CMTM7: variants seen among roughly 807,000 people sequenced by gnomAD.
CMTM7 encodes the protein CKLF-like MARVEL transmembrane domain-containing protein 7.
A neutral mutation model predicts 19.3 loss-of-function variants in CMTM7; 7 were observed. The observed-to-expected ratio is 0.36, with a 90% CI of 0.21 to 0.68. CMTM7 has a LOEUF of 0.68. Among genes scored for constraint, CMTM7 ranks in the 30% least tolerant of loss-of-function variants. The pLI, the probability that CMTM7 is intolerant of heterozygous loss-of-function variation, is 0.60. For missense variants in CMTM7, 193 were observed against 232.6 expected, an observed-to-expected ratio of 0.83 and a Z score of 1.11; for synonymous variants, 87 against 99.3, an observed-to-expected ratio of 0.88 and a Z score of 0.74.
chr3:32,438,157 T>C (rs1042999984), intron 1 of CMTM7, among the ~76,000 whole-genome samples: 2 of 152,158 alleles, frequency 1.3e-5, no homozygotes, highest in South Asian at 2.1e-4. Context: ...GTGCATTTGC[T>C]TTTCTAACTG....
chr3:32,403,976 A>G (rs1473339889), intron 1 of CMTM7, among the ~76,000 whole-genome samples: 2 of 152,062 alleles, frequency 1.3e-5, no homozygotes, highest in African/African-American at 4.8e-5. Context: ...ACCATATTTT[A>G]GGAAGCATTT....
At chr3:32,442,584 GT>G (rs1696696802) in intron 2 of CMTM7, among the ~76,000 whole-genome samples, 1 of 151,462 alleles carries the variant, frequency 6.6e-6, no homozygotes, top group Admixed American at 6.6e-5. Context: ...GAGAATGGCT[GT>G]GTGTGTATGA....
chr3:32,442,930 A>G (rs910455385), intron 2 of CMTM7, among the ~76,000 whole-genome samples: 7 of 151,786 alleles, frequency 4.6e-5, no homozygotes, highest in African/African-American at 1.7e-4. Flanking sequence ...CCTCCCTACC[A>G]CTCATCCCTC....
chr3:32,439,546 T>C (rs1696645925), intron 1 of CMTM7, among the ~76,000 whole-genome samples: 2 of 152,216 alleles, frequency 1.3e-5, no homozygotes, highest in African/African-American at 4.8e-5. Flanking sequence ...CTCAACCTCC[T>C]AGGCTCAATT....
rs1311959773 is a variant in CMTM7, at chr3:32,431,123, C to G, written c.160-10717C>G. On this transcript the variant is annotated intron_variant, in intron 1 of 4. Coordinates refer to ENST00000334983, the MANE Select transcript of CMTM7 (RefSeq NM_138410.4). ...ACAACTTCCTGGGCAGTGATAAGGG[C>G]TTTGAAGCAGAATGATTGAATTGAG... Among the ~76,000 whole-genome samples the G allele has an allele frequency of 3.3e-5, 5 of 152,120 alleles. No homozygotes were observed. In the South Asian group the frequency reaches 8.3e-4, roughly 25 times the overall value.
chr3:32,452,383 C>T lies in CMTM7; in HGVS notation c.433-9C>T, dbSNP rs759970674. ...CCTGTGAACTTCCTCTCCCCTCTCT[C>T]CACTGCAGATCTTTGGTTTCATGGC... On this transcript the variant is annotated splice_polypyrimidine_tract_variant and intron_variant, in intron 3 of 4. Coordinates refer to ENST00000334983, the MANE Select transcript of CMTM7 (RefSeq NM_138410.4). The T allele has an allele frequency of 1.9e-6, 3 of 1,614,180 alleles. No individual in the cohort carries two copies. Among genetic ancestry groups the T allele is most frequent in the Non-Finnish European group, 2.5e-6 (3 of 1,180,016 alleles).
chr3:32,417,745 G>C lies in CMTM7; in HGVS notation c.160-24095G>C, dbSNP rs184331130. Among the ~76,000 whole-genome samples, 406 of 152,158 alleles carry C rather than the reference G, an allele frequency of 2.7e-3. 2 individuals are homozygous for C. The highest frequency in any genetic ancestry group is 4.3e-3 in the Non-Finnish European group (289 of 67,986). ...CATTTGATATTATCAGTATTTTCTA[G>C]TTTGGGTTTTGCTTAATTTTAGCTA... On this transcript the variant is annotated intron_variant, in intron 1 of 4. Transcript: ENST00000334983.
chr3:32,406,527 A>C (rs1696093980), intron 1 of CMTM7, among the ~76,000 whole-genome samples: 1 of 152,196 alleles, frequency 6.6e-6, no homozygotes, highest in African/African-American at 2.4e-5. Flanking sequence ...GTGTTGGGAC[A>C]GTGTTCAGAG....
At chr3:32,444,407 A>C (rs1012125147) in intron 2 of CMTM7, among the ~76,000 whole-genome samples, 5 of 152,240 alleles carry the variant, frequency 3.3e-5, no homozygotes, top group African/African-American at 1.2e-4. Flanking sequence ...ATTCTATTCC[A>C]TTGATCTATG....
At chr3:32,440,070 TACACAC>T (rs10526471) in intron 1 of CMTM7, among the ~76,000 whole-genome samples, 12,437 of 150,090 alleles carry the variant, frequency 0.083, 565 homozygotes, top group African/African-American at 0.12. Flanking sequence ...ACCACACGCA[TACACAC>T]ACACACACAC....
Position 32,442,021 on chromosome 3 carries a change from A to G in CMTM7, c.333+8A>G. On this transcript the variant is annotated splice_region_variant and intron_variant, in intron 2 of 4. Coordinates refer to ENST00000334983, the MANE Select transcript of CMTM7 (RefSeq NM_138410.4). ...ATCAGCTGGCCCCTGTCGGTAAGAG[A>G]GTGGTCTGGCCCTGTCCTCCGCATG... is the stretch of plus-strand genomic sequence containing the variant. 1 of 1,613,768 alleles carries G rather than the reference A, an allele frequency of 6.2e-7. No individual in the cohort carries two copies. Among genetic ancestry groups the G allele is most frequent in the Non-Finnish European group, 8.5e-7 (1 of 1,179,782 alleles).
At chr3:32,439,195 C>T (rs1696641806) in intron 1 of CMTM7, among the ~76,000 whole-genome samples, 1 of 152,188 alleles carries the variant, frequency 6.6e-6, no homozygotes, top group Non-Finnish European at 1.5e-5. Context: ...AAAATGAAAA[C>T]ACTTGCGTTG....
intron 3 of CMTM7, chr3:32,452,052 C>G: frequency 7.5e-7 from 1 of 1,340,880 alleles, no homozygotes; most frequent in Non-Finnish European, 9.8e-7. Flanking sequence ...TCCTTTTCTT[C>G]TCTTTTGGTC....
chr3:32,392,119 A>G, intron 1 of CMTM7, 54 bp downstream of exon 1: 1 of 1,207,186 alleles, frequency 8.3e-7, no homozygotes. Context: ...CCGGGAAAGC[A>G]GGGGTCCGGG....
intron 1 of CMTM7, among the ~76,000 whole-genome samples, chr3:32,408,218 C>T (rs1460764366): frequency 6.6e-6 from 1 of 152,196 alleles, no homozygotes; most frequent in Admixed American, 6.5e-5. Flanking sequence ...GACTTCTGGC[C>T]TTGAGAACTG....
At chr3:32,436,675 C>T (rs17804397) in intron 1 of CMTM7, among the ~76,000 whole-genome samples, 9,657 of 152,136 alleles carry the variant, frequency 0.063, 410 homozygotes, top group Non-Finnish European at 0.096. Context: ...GGTTGGGTGA[C>T]CTACCAGCAT....
intron 2 of CMTM7, among the ~76,000 whole-genome samples, chr3:32,442,236 C>T (rs531648625): frequency 7.9e-5 from 12 of 152,028 alleles, no homozygotes; most frequent in Non-Finnish European, 1.5e-4. Flanking sequence ...GCTGGCCGGG[C>T]GCGGTGGCTC....
intron 1 of CMTM7, among the ~76,000 whole-genome samples, chr3:32,419,138 T>C (rs936360656): frequency 4.6e-5 from 7 of 152,268 alleles, no homozygotes; most frequent in Non-Finnish European, 1.0e-4. Flanking sequence ...CCCTTTTTGC[T>C]GCTATTGTAA....
intron 2 of CMTM7, among the ~76,000 whole-genome samples, chr3:32,444,829 C>T (rs746741144): frequency 6.6e-6 from 1 of 152,178 alleles, no homozygotes; most frequent in Non-Finnish European, 1.5e-5. Context: ...TAGCTCCCTG[C>T]ATCCTCAAAC....
Sources: gnomAD v4.1 joint callset for allele counts (sites outside exome capture counted in the v4.1 genomes callset) on GRCh38, gnomAD v4.1.1 for gene constraint, MANE v1.5 for transcripts, NCBI Gene and HGNC (gene_info 2026-07-23, HGNC 2026-07-21) for gene names.